The following CREB5 variants were observed in gnomAD, a reference collection of about 807,000 sequenced individuals.
The protein encoded by CREB5 is cyclic AMP-responsive element-binding protein 5.
CREB5 carries 19 observed loss-of-function variants against 57.1 expected under a neutral mutation model. The ratio of observed to expected loss-of-function variants is 0.33; its 90% CI spans 0.23 to 0.49. CREB5 has a LOEUF of 0.49. Among genes scored for constraint, CREB5 ranks in the 20% least tolerant of loss-of-function variants. CREB5 has a pLI of 0.99. For synonymous variants in CREB5, 238 were observed against 238.3 expected (o/e 1.00, Z 0.01); for missense variants, 579 against 671.6 (o/e 0.86, Z 1.52).
chr7:28,486,507 C>T (rs1478018458), intron 1 of CREB5, among the ~76,000 whole-genome samples: 1 of 150,646 alleles, frequency 6.6e-6, no homozygotes, highest in Non-Finnish European at 1.5e-5. Flanking sequence ...CCTGTGTGCA[C>T]AGTAGAAGTA....
At chr7:28,494,816 A>G (rs1423865250) in intron 2 of CREB5, 90 bp from the exon 3 acceptor site, 3 of 824,526 alleles carry the variant, frequency 3.6e-6, no homozygotes, top group Non-Finnish European at 5.5e-6. Flanking sequence ...TGCAATGCTA[A>G]ATAAGTCTTT....
At chr7:28,600,946 G>A (rs920672353) in intron 5 of CREB5, among the ~76,000 whole-genome samples, 10 of 152,034 alleles carry the variant, frequency 6.6e-5, no homozygotes, top group South Asian at 4.1e-4. Context: ...TAAGATTTTC[G>A]TAAAGGATCA....
chr7:28,536,022 C>A (rs1450954716), intron 4 of CREB5, among the ~76,000 whole-genome samples: 1 of 152,152 alleles, frequency 6.6e-6, no homozygotes, highest in East Asian at 1.9e-4. Flanking sequence ...CCCTCAGAGA[C>A]CCTGGGTCTT....
At chr7:28,731,801 A>T (rs1803650609) in intron 7 of CREB5, among the ~76,000 whole-genome samples, 1 of 152,192 alleles carries the variant, frequency 6.6e-6, no homozygotes, top group Non-Finnish European at 1.5e-5. Flanking sequence ...CTTCTATGTC[A>T]ACTGGGAATT....
chr7:28,431,345 G>A (rs1253679913), intron 1 of CREB5, among the ~76,000 whole-genome samples: 2 of 152,138 alleles, frequency 1.3e-5, no homozygotes, highest in African/African-American at 4.8e-5. Flanking sequence ...TGTATCTATG[G>A]CATTCATAAT....
rs190441091 is a variant in CREB5 at position 28,343,153 on chromosome 7, G to T, written c.-25+43712G>T. On this transcript the variant is annotated intron_variant, in intron 1 of 9. Coordinates refer to the CREB5 transcript ENST00000396299. ...GACAGGATTTCACCGTGTTAGCCAG[G>T]ATGGTCTCGATCTCCTGACTTTGTG... is the stretch of plus-strand genomic sequence containing the variant. Among the ~76,000 whole-genome samples the T allele has an allele frequency of 3.1e-3, 478 of 152,230 alleles. 1 individual carries two copies. Among genetic ancestry groups the T allele is most frequent in the Middle Eastern group, 0.02 (6 of 294 alleles).
intron 1 of CREB5, among the ~76,000 whole-genome samples, chr7:28,354,299 T>C (rs552245106): frequency 6.6e-6 from 1 of 152,302 alleles, no homozygotes; most frequent in Admixed American, 6.5e-5. Flanking sequence ...ACCCTTAATC[T>C]GGGTGGGCAC....
intron 1 of CREB5, among the ~76,000 whole-genome samples, chr7:28,363,393 G>A (rs1786528061): frequency 6.6e-6 from 1 of 152,024 alleles, no homozygotes; most frequent in African/African-American, 2.4e-5. Context: ...TGTGACTGCT[G>A]CTTCAGGACT....
At chr7:28,492,305 A>AT (rs1180031710) in intron 2 of CREB5, among the ~76,000 whole-genome samples, 1 of 152,038 alleles carries the variant, frequency 6.6e-6, no homozygotes, top group Non-Finnish European at 1.5e-5. Flanking sequence ...CACGTGGGAG[A>AT]TTTTTTATGT....
intron 5 of CREB5, chr7:28,609,063 C>T (rs1326362056): frequency 6.6e-6 from 1 of 152,146 alleles, no homozygotes; most frequent in African/African-American, 2.4e-5. Flanking sequence ...GGCAGGATGA[C>T]AGAAGTACAG....
At chr7:28,401,337 C>A (rs1787458155) in intron 1 of CREB5, among the ~76,000 whole-genome samples, 1 of 152,068 alleles carries the variant, frequency 6.6e-6, no homozygotes, top group East Asian at 1.9e-4. Context: ...AATGGTCTTC[C>A]AGATGAGGTT....
chr7:28,306,571 T>G (rs1785191729), intron 1 of CREB5, among the ~76,000 whole-genome samples: 1 of 137,294 alleles, frequency 7.3e-6, no homozygotes, highest in Non-Finnish European at 1.5e-5. Flanking sequence ...TTTTTTTTTT[T>G]TTTTTTTGAG....
intron 4 of CREB5, among the ~76,000 whole-genome samples, chr7:28,562,089 A>T (rs216743): frequency 5.9e-5 from 9 of 152,220 alleles, no homozygotes; most frequent in Non-Finnish European, 1.0e-4. Flanking sequence ...CTAATGTCCA[A>T]GATTTTGGTG....
intron 4 of CREB5, among the ~76,000 whole-genome samples, chr7:28,549,481 C>T (rs1244813350): frequency 2.6e-5 from 4 of 152,180 alleles, no homozygotes; most frequent in African/African-American, 4.8e-5. Flanking sequence ...GAAATTTCTC[C>T]TAGGGATCGC....
At chr7:28,560,921 T>TGCGCGCGC (rs1203532865) in intron 4 of CREB5, among the ~76,000 whole-genome samples, 1 of 40,568 alleles carries the variant, frequency 2.5e-5, no homozygotes, top group South Asian at 9.4e-4. Context: ...TGTGCGTGTG[T>TGCGCGCGC]GCGCGTGCGT....
At chr7:28,668,853 A>G (rs41340) in intron 5 of CREB5, among the ~76,000 whole-genome samples, 30,353 of 152,050 alleles carry the variant, frequency 0.2, 3,633 homozygotes, top group East Asian at 0.52. Flanking sequence ...ATTCATCACA[A>G]TGCTCTGTCC....
chr7:28,702,089 G>A (rs1037000890), intron 5 of CREB5, among the ~76,000 whole-genome samples: 1 of 152,148 alleles, frequency 6.6e-6, no homozygotes, highest in African/African-American at 2.4e-5. Context: ...TTGTTTTTGA[G>A]TAATATAACA....
chr7:28,797,972 G>A (rs1180759293), intron 7 of CREB5, among the ~76,000 whole-genome samples: 1 of 151,890 alleles, frequency 6.6e-6, no homozygotes, highest in Non-Finnish European at 1.5e-5. Context: ...AAAAAAAAAG[G>A]AGAAATTACA....
chr7:28,473,110 G>T (rs574002008), intron 1 of CREB5, among the ~76,000 whole-genome samples: 1 of 152,212 alleles, frequency 6.6e-6, no homozygotes, highest in Admixed American at 6.5e-5. Context: ...TTTGCTTAAG[G>T]CCAGGAGTTC....
Sources: allele counts gnomAD v4.1 joint callset (sites outside exome capture counted in the v4.1 genomes callset), GRCh38; gene constraint gnomAD v4.1.1; transcripts MANE v1.5; gene names NCBI Gene and HGNC (gene_info 2026-07-23, HGNC 2026-07-21).